Variants in SOX6 observed in about 807,000 individuals in gnomAD.
The protein encoded by SOX6 is transcription factor SOX-6.
Under a neutral mutation model 97.8 loss-of-function variants are expected in SOX6, and 11 were observed. The ratio of observed to expected loss-of-function variants is 0.11; its 90% CI spans 0.07 to 0.19. SOX6 has a LOEUF of 0.19. Ranked by LOEUF, SOX6 falls within the 10% of genes least tolerant of loss-of-function variation. The probability of loss-of-function intolerance (pLI) is 1.00; values close to 1 mark genes in which losing one functional copy is unlikely to be tolerated. For synonymous variants in SOX6, 360 were observed against 371.4 expected, an observed-to-expected ratio of 0.97 and a Z score of 0.35; for missense variants, 810 against 1,039.5, an observed-to-expected ratio of 0.78 and a Z score of 3.04.
intron 1 of SOX6, among the ~76,000 whole-genome samples, chr11:16,368,826 A>AT (rs1476646579): frequency 6.6e-6 from 1 of 152,194 alleles, no homozygotes; most frequent in Non-Finnish European, 1.5e-5. Flanking sequence ...TGCAAATCAT[A>AT]TATCTAATAA....
intron 1 of SOX6, among the ~76,000 whole-genome samples, chr11:16,736,633 T>C (rs1848393152): frequency 6.6e-6 from 1 of 152,256 alleles, no homozygotes; most frequent in East Asian, 1.9e-4. Flanking sequence ...AGCCATCTTA[T>C]TTGTTTTGGT....
intron 4 of SOX6, among the ~76,000 whole-genome samples, chr11:16,592,673 T>C (rs1848167266): frequency 6.6e-6 from 1 of 152,072 alleles, no homozygotes; most frequent in African/African-American, 2.4e-5. Context: ...AAGCATAGCC[T>C]CATAAAATGT....
In SOX6 at chr11:16,620,033, A is replaced by G. The variant is rs185099784; in HGVS notation, n.430-7773T>C. On this transcript the variant is annotated intron_variant and non_coding_transcript_variant, in intron 3 of 5. Transcript: ENST00000524520. ...TTATATAAAGACCATTATTACTTAA[A>G]CATAAGGAACAAAGAAATTACTTTG... Among the ~76,000 whole-genome samples the G allele has an allele frequency of 7.9e-3, 1,197 of 152,278 alleles. 14 individuals carry two copies. Among genetic ancestry groups the G allele is most frequent in the African/African-American group, 0.027 (1,141 of 41,570 alleles).
rs1848427280 is a variant in SOX6 at position 16,613,543 on chromosome 11, C to A, written n.430-1283G>T. 6.6e-6 allele frequency among the ~76,000 whole-genome samples: 1 copy of A among 152,066 alleles called. No individual in the cohort carries two copies. Among genetic ancestry groups the A allele is most frequent in the African/African-American group, 2.4e-5 (1 of 41,414 alleles). Reference sequence around the variant, plus strand: ...GGGCTCAGGTGATGGAGAGGAGGCTCGCGGCGTCCCAAACGGGTTCGGCCA... The same window carrying A: ...GGGCTCAGGTGATGGAGAGGAGGCTAGCGGCGTCCCAAACGGGTTCGGCCA... On this transcript the variant is annotated intron_variant and non_coding_transcript_variant, in intron 3 of 5. Coordinates refer to the SOX6 transcript ENST00000524520. This position sits in a 1 kb window ranked among gnomAD's most constrained non-coding sequence, Gnocchi z 4.6.
At position 16,699,912 on chromosome 11, in the gene SOX6, T is replaced by C. The variant is rs562294536; in HGVS notation, n.429+14918A>G. 2.0e-5 allele frequency among the ~76,000 whole-genome samples: 3 copies of C among 152,252 alleles called. No homozygotes were observed. In the East Asian group the frequency reaches 5.8e-4, roughly 29 times the overall value. On this transcript the variant is annotated intron_variant and non_coding_transcript_variant, in intron 3 of 5. Transcript: ENST00000524520. ...CATTTGTCCTTTCAGCAAATATTTA[T>C]TAAGTACCCACTGAGTGCAAAACAA...
intron 10 of SOX6, among the ~76,000 whole-genome samples, chr11:16,052,442 C>T (rs1407719732): frequency 1.3e-5 from 2 of 152,094 alleles, no homozygotes; most frequent in Admixed American, 1.3e-4. Context: ...CTGTTTTTGT[C>T]AGTTTTGTCC....
chr11:16,318,161 CTT>C (rs1196123365), intron 3 of SOX6: 4 of 444,070 alleles, frequency 9.0e-6, no homozygotes, highest in East Asian at 4.8e-5. Flanking sequence ...GGAAAATTCT[CTT>C]GTTACCTTTT....
intron 3 of SOX6, among the ~76,000 whole-genome samples, chr11:16,269,599 G>A (rs1212825428): frequency 4.0e-5 from 6 of 150,806 alleles, no homozygotes; most frequent in Non-Finnish European, 7.4e-5. Context: ...TTGTTCAGAT[G>A]TACTACTGTG....
chr11:16,393,419 C>T (rs892664976), intron 1 of SOX6, among the ~76,000 whole-genome samples: 15 of 151,836 alleles, frequency 9.9e-5, no homozygotes, highest in African/African-American at 3.1e-4. Context: ...AAAAAATATC[C>T]CTCTACCTAC....
At chr11:16,550,539 C>T (rs928437439) in intron 4 of SOX6, among the ~76,000 whole-genome samples, 8 of 151,946 alleles carry the variant, frequency 5.3e-5, no homozygotes, top group African/African-American at 1.7e-4. Flanking sequence ...GTTATATACA[C>T]GTATAAAATG....
Position 15,972,538 on chromosome 11 carries a change from T to A in SOX6, c.*271A>T. 1 of 475,166 alleles carries A rather than the reference T, an allele frequency of 2.1e-6. No individual in the cohort carries two copies. The allele number at this position is 475,166 out of a possible 1,614,324, so 29.4% of individuals were successfully genotyped here. A position where few individuals can be genotyped will look rare whatever the true frequency, so the allele number is the denominator to read the frequency against. ...ATAAGACTTGTAAGACATCTACGGG[T>A]TGAGATAAGTTTCAAGTCCTGGTGT... On this transcript the variant is annotated 3_prime_UTR_variant, in exon 16 of 16. Transcript: ENST00000683767.
intron 1 of SOX6, among the ~76,000 whole-genome samples, chr11:16,411,043 C>T (rs887226078): frequency 6.6e-6 from 1 of 150,972 alleles, no homozygotes; most frequent in Non-Finnish European, 1.5e-5. Context: ...ACAGGAAAGG[C>T]GTAGTGTCAG....
At chr11:16,586,191 T>C (rs1286618064) in intron 4 of SOX6, among the ~76,000 whole-genome samples, 1 of 152,098 alleles carries the variant, frequency 6.6e-6, no homozygotes, top group Non-Finnish European at 1.5e-5. Context: ...CTGCAATAAA[T>C]CACTTTTCAT....
At chr11:16,448,297 T>C (rs1590207880) in intron 1 of SOX6, among the ~76,000 whole-genome samples, 1 of 152,242 alleles carries the variant, frequency 6.6e-6, no homozygotes, top group South Asian at 2.1e-4. Flanking sequence ...CCCTACACTT[T>C]GAGCTCATGT....
At chr11:16,132,326 GGAAGGAAAGAAAA>G (rs1849778436) in intron 6 of SOX6, among the ~76,000 whole-genome samples, 1 of 66,252 alleles carries the variant, frequency 1.5e-5, no homozygotes, top group Admixed American at 1.8e-4. Context: ...AAGGAAGGAA[GGAAGGAAAGAAAA>G]AAGAAAGAAA....
chr11:16,252,725 T>C (rs1237208342), intron 3 of SOX6, among the ~76,000 whole-genome samples: 2 of 152,096 alleles, frequency 1.3e-5, no homozygotes. Context: ...CAGCATAACC[T>C]ACCTAGGGTA....
At chr11:16,059,289 T>A (rs1483189118) in intron 9 of SOX6, among the ~76,000 whole-genome samples, 1 of 152,106 alleles carries the variant, frequency 6.6e-6, no homozygotes, top group Non-Finnish European at 1.5e-5. Flanking sequence ...CTTAACACTG[T>A]TTAATGCTTG....
chr11:16,198,563 G>A lies in SOX6; in HGVS notation c.536-11608C>T, dbSNP rs1036335584. On this transcript the variant is annotated intron_variant, in intron 4 of 15. Coordinates refer to ENST00000683767, the MANE Select transcript of SOX6 (RefSeq NM_001367873.1). ...TCCTGAGACAAGAAGGAAAAAATAC[G>A]TTAAATTATGAGCCTCATAAGGAAT... 1.1e-4 allele frequency among the ~76,000 whole-genome samples: 16 copies of A among 151,990 alleles called. 1 individual carries two copies. Among genetic ancestry groups the A allele is most frequent in the Non-Finnish European group, 1.2e-4 (8 of 68,000 alleles).
intron 1 of SOX6, among the ~76,000 whole-genome samples, chr11:16,447,058 C>T (rs1002144858): frequency 8.6e-5 from 13 of 151,530 alleles, no homozygotes; most frequent in African/African-American, 3.2e-4. Flanking sequence ...CCCTTTCTTC[C>T]CTTCTTTTTC....
Sources: allele counts gnomAD v4.1 joint callset (sites outside exome capture counted in the v4.1 genomes callset), GRCh38; gene constraint gnomAD v4.1.1; non-coding constraint Gnocchi (gnomAD v3.1); transcripts MANE v1.5; gene names NCBI Gene and HGNC (gene_info 2026-07-23, HGNC 2026-07-21).